TUSC3: variants seen among roughly 807,000 people sequenced by gnomAD.
TUSC3 encodes dolichyl-diphosphooligosaccharide--protein glycosyltransferase subunit TUSC3.
A neutral mutation model predicts 44.8 loss-of-function variants in TUSC3; 45 were observed. That is an observed-to-expected ratio of 1.00 (90% CI 0.79 to 1.29). TUSC3 has a LOEUF of 1.29. Ranked by LOEUF, TUSC3 falls within the 50% of genes most tolerant of loss-of-function variation. The pLI is 0.00. For missense variants in TUSC3, 519 were observed against 437.9 expected (o/e 1.19, Z -1.65); for synonymous variants, 212 against 152.9 (o/e 1.39, Z -2.85).
intron 1 of TUSC3, among the ~76,000 whole-genome samples, chr8:15,448,893 G>C (rs920779401): frequency 6.6e-6 from 1 of 152,124 alleles, no homozygotes; most frequent in Non-Finnish European, 1.5e-5. Flanking sequence ...CTATCACCTA[G>C]TGACGTAGCC....
the TUSC3 span, among the ~76,000 whole-genome samples, chr8:15,846,888 A>AC: frequency 6.6e-6 from 1 of 151,634 alleles, no homozygotes; most frequent in African/African-American, 2.4e-5. Context: ...AAAAAAAAAA[A>AC]AACACACACA....
intron 1 of TUSC3, among the ~76,000 whole-genome samples, chr8:15,546,923 A>T (rs1280986276): frequency 6.6e-6 from 1 of 151,502 alleles, no homozygotes. Flanking sequence ...ATTTCTTTTT[A>T]ATGTTGGAAG....
At chr8:15,777,726 G>C in the TUSC3 span, among the ~76,000 whole-genome samples, 10 of 152,108 alleles carry the variant, frequency 6.6e-5, no homozygotes, top group Admixed American at 6.6e-4. Context: ...AATGCTTAAA[G>C]GTTGTTGGAC....
At chr8:15,736,287 T>G (rs1029125505) in intron 7 of TUSC3, among the ~76,000 whole-genome samples, 35 of 152,216 alleles carry the variant, frequency 2.3e-4, no homozygotes, top group African/African-American at 7.7e-4. Context: ...TTAAAAAGTT[T>G]TCAAATGTCC....
intron 1 of TUSC3, among the ~76,000 whole-genome samples, chr8:15,593,270 G>A (rs1194381398): frequency 2.0e-5 from 3 of 151,904 alleles, no homozygotes; most frequent in Non-Finnish European, 4.4e-5. Context: ...AGTTTTAGTA[G>A]AGACAGGGTT....
At chr8:15,485,991 G>A (rs1047917199) in intron 2 of TUSC3, among the ~76,000 whole-genome samples, 4 of 151,912 alleles carry the variant, frequency 2.6e-5, no homozygotes, top group Non-Finnish European at 5.9e-5. Flanking sequence ...TCGGGGTTTC[G>A]CCATGTTGGG....
At chr8:15,556,150 TC>T (rs1354650186) in intron 1 of TUSC3, among the ~76,000 whole-genome samples, 1 of 89,324 alleles carries the variant, frequency 1.1e-5, no homozygotes, top group Non-Finnish European at 2.2e-5. Context: ...GTGCTATCCC[TC>T]CCCCCTCCCC....
At chr8:15,768,630 A>T (rs113425918), downstream of TUSC3, among the ~76,000 whole-genome samples, 114 of 152,210 alleles carry the variant, frequency 7.5e-4, 1 homozygote, top group African/African-American at 2.7e-3. Context: ...TATAAAAAGG[A>T]TAGGAACAGA....
At chr8:15,509,407 G>A (rs1279028368) in intron 2 of TUSC3, among the ~76,000 whole-genome samples, 5 of 152,082 alleles carry the variant, frequency 3.3e-5, no homozygotes, top group Non-Finnish European at 4.4e-5. Flanking sequence ...TCAAGTGTTC[G>A]AAACCAGCCT....
intron 2 of TUSC3, among the ~76,000 whole-genome samples, chr8:15,642,422 G>T (rs1806414608): frequency 6.6e-6 from 1 of 152,120 alleles, no homozygotes; most frequent in Non-Finnish European, 1.5e-5. Flanking sequence ...ATACGAAAGG[G>T]TTCCTGGCAT....
At chr8:15,830,273 C>T in the TUSC3 span, among the ~76,000 whole-genome samples, 3 of 152,174 alleles carry the variant, frequency 2.0e-5, no homozygotes, top group East Asian at 5.8e-4. Flanking sequence ...CATTTCTTTG[C>T]TCCACATAAT....
chr8:15,712,646 TC>T (rs2129200341), intron 6 of TUSC3, among the ~76,000 whole-genome samples: 1 of 152,176 alleles, frequency 6.6e-6, no homozygotes, highest in African/African-American at 2.4e-5. Context: ...TTCTTGCCAA[TC>T]CCCAATCCTT....
rs1001754952 is a variant in TUSC3, at chr8:15,740,557, AAAAAAGAGG to A, written c.863-2978_863-2970del. Among the ~76,000 whole-genome samples the A allele has an allele frequency of 4.5e-4, 69 of 152,050 alleles. 1 individual carries two copies. The highest frequency in any genetic ancestry group is 3.4e-3 in the Middle Eastern group (1 of 294). The stretch of plus-strand genomic sequence containing the variant: ...AAGCAGTGTGCCAAAGATTAAACCC[AAAAAAGAGG>A]AATGAACATATCAAAAGATGCTCAG... On this transcript the variant is annotated intron_variant, in intron 7 of 10. Coordinates refer to ENST00000503731, the MANE Select transcript of TUSC3 (RefSeq NM_006765.4).
chr8:15,607,344 T>C (rs1365160893), intron 1 of TUSC3, among the ~76,000 whole-genome samples: 1 of 152,128 alleles, frequency 6.6e-6, no homozygotes, highest in African/African-American at 2.4e-5. Context: ...AATTTAGTGA[T>C]AGAAACTTTT....
intron 1 of TUSC3, among the ~76,000 whole-genome samples, chr8:15,572,820 T>C (rs1467124559): frequency 2.0e-5 from 3 of 152,136 alleles, no homozygotes; most frequent in African/African-American, 7.2e-5. Context: ...TGGAGCAGTC[T>C]GAATACACAT....
intron 2 of TUSC3, among the ~76,000 whole-genome samples, chr8:15,510,420 G>A (rs895537181): frequency 3.9e-5 from 6 of 152,204 alleles, no homozygotes; most frequent in Admixed American, 2.0e-4. Context: ...CATCACTACA[G>A]AAATTACAGG....
chr8:15,748,315 A>T, intron 8 of TUSC3, 60 bp from the exon 9 acceptor site: 1 of 1,252,948 alleles, frequency 8.0e-7, no homozygotes, highest in Non-Finnish European at 1.2e-6. Context: ...AAAAATATAA[A>T]CAATTGGGGT....
At position 15,475,617 on chromosome 8, in the gene TUSC3, T is replaced by C. The variant is rs140491825; in HGVS notation, n.92-7769T>C. Among the ~76,000 whole-genome samples the C allele has an allele frequency of 5.0e-3, 766 of 152,302 alleles. 3 individuals are homozygous for C. Among genetic ancestry groups the C allele is most frequent in the African/African-American group, 0.017 (717 of 41,580 alleles). ...AGTATAAGTAAATCAACTGGAAAAC[T>C]GGAGCTCTAGAATAGTTTGGGATAT... On this transcript the variant is annotated intron_variant and non_coding_transcript_variant, in intron 1 of 5. Coordinates refer to the TUSC3 transcript ENST00000503191.
intron 1 of TUSC3, among the ~76,000 whole-genome samples, chr8:15,614,020 T>G (rs1205417732): frequency 9.5e-6 from 1 of 105,732 alleles, no homozygotes; most frequent in Non-Finnish European, 2.2e-5. Context: ...TTGTTATTTT[T>G]TTTTTTTTTT....
Sources: gnomAD v4.1 joint callset for allele counts (sites outside exome capture counted in the v4.1 genomes callset) on GRCh38, gnomAD v4.1.1 for gene constraint, MANE v1.5 for transcripts, NCBI Gene and HGNC (gene_info 2026-07-23, HGNC 2026-07-21) for gene names.